The following RREB1 variants were observed in gnomAD, a reference collection of about 807,000 sequenced individuals.
RREB1 encodes the protein ras-responsive element-binding protein 1.
In RREB1, 27 loss-of-function variants were observed where a neutral mutation model predicts 117.8. The observed-to-expected ratio is 0.23, with a 90% CI of 0.17 to 0.32. RREB1 has a LOEUF of 0.32. Ranked by LOEUF, RREB1 falls within the 10% of genes least tolerant of loss-of-function variation. The pLI is 1.00. For missense variants in RREB1, 2,577 were observed against 2,378.2 expected (o/e 1.08, Z -1.74); for synonymous variants, 1,298 against 1,026.7 (o/e 1.26, Z -5.05).
chr6:7,191,143 C>T (rs1765379056), intron 6 of RREB1, among the ~76,000 whole-genome samples: 1 of 152,110 alleles, frequency 6.6e-6, no homozygotes, highest in African/African-American at 2.4e-5. Flanking sequence ...TGTGTTTTTA[C>T]AAATAATCAT....
Position 7,231,240 on chromosome 6 carries a change from C to A in RREB1, c.3141C>A (p.Pro1047=), listed in dbSNP as rs759229585. 6.2e-7 allele frequency: 1 copy of A among 1,612,476 alleles called. No individual in the cohort carries two copies. Among genetic ancestry groups the A allele is most frequent in the Non-Finnish European group, 8.5e-7 (1 of 1,179,598 alleles). The change falls in exon 10 of 13, where the codon CCC becomes CCA. Residue 1047 remains proline (P), a synonymous_variant. Transcript: ENST00000379938. ...CAGCCTTGCTGCGTCCACTGCGGCC[C>A]AAGCCCCCGCTGCTTTTGCCAAAGC... ...SGTALLRPLR[P]KPPLLLPKPP...
Position 7,231,179 on chromosome 6 carries a change from C to T in RREB1, c.3080C>T (p.Pro1027Leu), listed in dbSNP as rs765066111. ...TACTCCTCAGCCCTGGTCAGCAGCC[C>T]TCCACTCGTGGGCAGCTCAGCCCTC... is the stretch of plus-strand genomic sequence containing the variant. ...PIYSSALVSS[P>L]PLVGSSALLS... The change falls in exon 10 of 13, where the codon CCT (proline) becomes CTT (leucine). Residue 1027 changes from proline (P) to leucine (L), a missense_variant. Transcript: ENST00000379938. 13 of 1,611,616 alleles carry T rather than the reference C, an allele frequency of 8.1e-6. No individual in the cohort carries two copies. The highest frequency in any genetic ancestry group is 1.0e-5 in the Non-Finnish European group (12 of 1,179,224).
At chr6:7,236,886 G>GTT (rs1768361749) in intron 10 of RREB1, among the ~76,000 whole-genome samples, 3 of 100,276 alleles carry the variant, frequency 3.0e-5, no homozygotes, top group Non-Finnish European at 6.0e-5. Context: ...TGTTTTTGGA[G>GTT]GTTTTTTTTT....
chr6:7,157,587 A>G lies in RREB1; in HGVS notation c.-284-19068A>G, dbSNP rs1044421655. Among the ~76,000 whole-genome samples the G allele has an allele frequency of 5.3e-5, 8 of 152,060 alleles. No homozygotes were observed. In the South Asian group the frequency reaches 1.2e-3, roughly 24 times the overall value. ...GGAGTTCGAGACCAGCCTGGGCAAC[A>G]TAGTGAGACTCCGTCTCTCCAAAAA... On this transcript the variant is annotated intron_variant, in intron 1 of 12. Transcript: ENST00000379938.
Position 7,226,643 on chromosome 6 carries a change from C to A in RREB1, c.884C>A (p.Pro295His), listed in dbSNP as rs113426817. The change falls in exon 9 of 13, where the codon CCT (proline) becomes CAT (histidine). Residue 295 changes from proline (P) to histidine (H), a missense_variant. Transcript: ENST00000379938. Reference protein sequence around the residue: ...GFTDFSCRKFPRISQAWCETN... With the variant: ...GFTDFSCRKFHRISQAWCETN... ...ACGGACTTCTCCTGTAGGAAGTTTC[C>A]TCGCATTTCTCAGGTATTCTGATCA... is the stretch of plus-strand genomic sequence containing the variant. 4 of 1,613,848 alleles carry A rather than the reference C, an allele frequency of 2.5e-6. No individual in the cohort carries two copies. In the African/African-American group the frequency reaches 4.0e-5, roughly 16 times the overall value.
intron 4 of RREB1, among the ~76,000 whole-genome samples, chr6:7,184,276 T>TA (rs982527902): frequency 4.3e-4 from 65 of 151,234 alleles, no homozygotes; most frequent in African/African-American, 1.4e-3. Context: ...TTATTATTAT[T>TA]TTTTTTATTA....
At chr6:7,139,665 T>C (rs548541033) in intron 1 of RREB1, among the ~76,000 whole-genome samples, 1 of 152,202 alleles carries the variant, frequency 6.6e-6, no homozygotes. Context: ...ATATGAAATA[T>C]AAACAGATTT....
intron 1 of RREB1, among the ~76,000 whole-genome samples, chr6:7,162,034 C>T (rs2113465732): frequency 6.6e-6 from 1 of 152,236 alleles, no homozygotes; most frequent in Admixed American, 6.5e-5. Flanking sequence ...ACCTTGAGCC[C>T]AGCATCATTC....
intron 6 of RREB1, among the ~76,000 whole-genome samples, chr6:7,200,724 T>TC (rs1053673496): frequency 1.3e-5 from 2 of 152,210 alleles, no homozygotes; most frequent in Non-Finnish European, 2.9e-5. Context: ...CACTGTCCCC[T>TC]CAGTGGACAT....
chr6:7,167,644 T>G (rs906435199), intron 1 of RREB1, among the ~76,000 whole-genome samples: 3 of 152,174 alleles, frequency 2.0e-5, no homozygotes, highest in African/African-American at 7.2e-5. Context: ...GACAGGAATT[T>G]TTTTAGAAGA....
At chr6:7,201,187 C>A (rs1349616917) in intron 6 of RREB1, among the ~76,000 whole-genome samples, 1 of 152,166 alleles carries the variant, frequency 6.6e-6, no homozygotes, top group African/African-American at 2.4e-5. Context: ...TCGTCTGATG[C>A]ACTGAGAACT....
intron 6 of RREB1, among the ~76,000 whole-genome samples, chr6:7,198,460 A>G (rs1765773820): frequency 6.6e-6 from 1 of 152,204 alleles, no homozygotes; most frequent in Admixed American, 6.5e-5. Context: ...ATCAAAAGCA[A>G]ATGTCCTTCA....
intron 1 of RREB1, among the ~76,000 whole-genome samples, chr6:7,122,769 C>T (rs1343220931): frequency 6.6e-6 from 1 of 152,128 alleles, no homozygotes; most frequent in Non-Finnish European, 1.5e-5. Context: ...TTCAGTGTGA[C>T]CTAAGCAGAT....
chr6:7,231,027 C>T lies in RREB1; in HGVS notation c.2928C>T (p.Gly976=), dbSNP rs1178698037. The change falls in exon 10 of 13, where the codon GGC becomes GGT. Residue 976 remains glycine (G), a synonymous_variant. Transcript: ENST00000379938. ...SEQPSPCPAP[G]PSLPVTLGPS... is the part of the protein sequence containing the mutation. ...AGCCCTCTCCCTGCCCAGCACCCGG[C>T]CCTTCTCTTCCTGTAACTTTGGGGC... 4.3e-6 allele frequency: 7 copies of T among 1,614,082 alleles called. No homozygotes were observed. Among genetic ancestry groups the T allele is most frequent in the Non-Finnish European group, 5.9e-6 (7 of 1,180,034 alleles).
chr6:7,137,440 A>G (rs1762389563), intron 1 of RREB1, among the ~76,000 whole-genome samples: 1 of 152,254 alleles, frequency 6.6e-6, no homozygotes, highest in Non-Finnish European at 1.5e-5. Context: ...TTTTCTCTTC[A>G]GATGTTTACA....
At chr6:7,181,673 T>G (rs903168455) in intron 3 of RREB1, 197 bp from the exon 4 acceptor site, 2 of 610,558 alleles carry the variant, frequency 3.3e-6, no homozygotes, top group Non-Finnish European at 5.8e-6. Flanking sequence ...CAAGGTTACT[T>G]CGTCCTTGGT....
At chr6:7,132,850 C>T (rs758901702) in intron 1 of RREB1, among the ~76,000 whole-genome samples, 2 of 152,070 alleles carry the variant, frequency 1.3e-5, no homozygotes, top group South Asian at 4.1e-4. Context: ...GTGGTTGGAG[C>T]TTCTTTTCTG....
At chr6:7,150,467 T>C (rs1763066279) in intron 1 of RREB1, among the ~76,000 whole-genome samples, 1 of 152,204 alleles carries the variant, frequency 6.6e-6, no homozygotes, top group African/African-American at 2.4e-5. Flanking sequence ...TTTAATTAGT[T>C]TTGAAATTAA....
chr6:7,168,067 C>T (rs1408270340), intron 1 of RREB1, among the ~76,000 whole-genome samples: 1 of 151,890 alleles, frequency 6.6e-6, no homozygotes, highest in African/African-American at 2.4e-5. Flanking sequence ...TTGAGACCAG[C>T]CTGTTCAACA....
Sources: gnomAD v4.1 joint callset for allele counts (sites outside exome capture counted in the v4.1 genomes callset) on GRCh38, gnomAD v4.1.1 for gene constraint, MANE v1.5 for transcripts, NCBI Gene and HGNC (gene_info 2026-07-23, HGNC 2026-07-21) for gene names.